The following XRCC5 variants were observed in gnomAD, a reference collection of about 807,000 sequenced individuals.
XRCC5 encodes X-ray repair cross complementing 5.
Under a neutral mutation model 95.7 loss-of-function variants are expected in XRCC5, and 12 were observed. The observed-to-expected ratio is 0.13, with a 90% CI of 0.08 to 0.20. The LOEUF is 0.20. Ranked by LOEUF, XRCC5 falls within the 10% of genes least tolerant of loss-of-function variation. XRCC5 has a pLI of 1.00. For missense variants in XRCC5, 595 were observed against 873.9 expected, an observed-to-expected ratio of 0.68 and a Z score of 4.02; for synonymous variants, 281 against 290.3, an observed-to-expected ratio of 0.97 and a Z score of 0.33.
intron 14 of XRCC5, among the ~76,000 whole-genome samples, chr2:216,157,043 G>A (rs1298606604): frequency 3.3e-5 from 5 of 152,144 alleles, no homozygotes; most frequent in African/African-American, 9.7e-5. Flanking sequence ...GCCGAGAGCA[G>A]TGTGCCCAGC....
At chr2:216,137,373 T>A (rs1697101405) in intron 11 of XRCC5, 148 bp downstream of exon 11, 1 of 870,070 alleles carries the variant, frequency 1.1e-6, no homozygotes, top group Admixed American at 3.8e-5. Context: ...GGGCCCAGAT[T>A]CTCTGTTTCT....
chr2:216,148,317 A>T, intron 14 of XRCC5, 41 bp downstream of exon 14: 1 of 1,562,966 alleles, frequency 6.4e-7, no homozygotes, highest in Admixed American at 1.9e-5. Flanking sequence ...TGGGGTACAT[A>T]AGAGTTGTGG....
intron 19 of XRCC5, among the ~76,000 whole-genome samples, chr2:216,202,624 G>T (rs16855635): frequency 0.03 from 4,624 of 152,274 alleles, 232 homozygotes; most frequent in African/African-American, 0.11. Flanking sequence ...TTGATTCTCA[G>T]TCTTGCACAT....
intron 19 of XRCC5, 96 bp from the exon 20 acceptor site, chr2:216,204,226 G>A: frequency 7.2e-7 from 1 of 1,397,262 alleles, no homozygotes; most frequent in Non-Finnish European, 1.0e-6. Context: ...TAAGCAGGCT[G>A]CCTTAGGTTT....
intron 8 of XRCC5, among the ~76,000 whole-genome samples, chr2:216,128,623 T>C (rs1696932244): frequency 1.3e-5 from 2 of 152,232 alleles, no homozygotes; most frequent in Admixed American, 6.5e-5. Context: ...CCTAGTATAA[T>C]GACTGGCTCA....
intron 16 of XRCC5, chr2:216,175,033 T>C: frequency 3.3e-6 from 1 of 302,502 alleles, no homozygotes; most frequent in Middle Eastern, 9.9e-4. Flanking sequence ...TCTGCTAAAA[T>C]TTCCAGAATC....
chr2:216,131,040 G>A (rs1574458308), intron 9 of XRCC5, 53 bp downstream of exon 9: 6 of 1,505,008 alleles, frequency 4.0e-6, no homozygotes, highest in East Asian at 2.3e-5. Context: ...ATTTGAAATG[G>A]TATGCTTTTG....
intron 16 of XRCC5, among the ~76,000 whole-genome samples, chr2:216,165,880 G>A (rs186792719): frequency 2.0e-5 from 3 of 152,114 alleles, no homozygotes; most frequent in African/African-American, 7.2e-5. Flanking sequence ...TGAGAGTCTT[G>A]TGATTCTGTC....
intron 13 of XRCC5, among the ~76,000 whole-genome samples, chr2:216,141,938 G>A (rs1263313247): frequency 1.3e-5 from 2 of 152,014 alleles, no homozygotes; most frequent in South Asian, 2.1e-4. Context: ...CCTGTAATCC[G>A]AGCTTCTCAG....
chr2:216,126,122 C>T (rs372496470), intron 7 of XRCC5, 91 bp downstream of exon 7: 10 of 1,013,214 alleles, frequency 9.9e-6, no homozygotes, highest in South Asian at 3.1e-5. Context: ...GTGTGTTACT[C>T]GGAACCATAA....
At chr2:216,135,534 G>A (rs188064741) in intron 10 of XRCC5, among the ~76,000 whole-genome samples, 3 of 152,166 alleles carry the variant, frequency 2.0e-5, no homozygotes, top group African/African-American at 4.8e-5. Flanking sequence ...CTTAAAAGGT[G>A]AGGGATGAGG....
At chr2:216,145,065 T>G (rs1373132707) in intron 13 of XRCC5, among the ~76,000 whole-genome samples, 2 of 151,920 alleles carry the variant, frequency 1.3e-5, no homozygotes, top group Non-Finnish European at 2.9e-5. Flanking sequence ...TAGCAAAGGG[T>G]CTTTAGGAAT....
chr2:216,181,073 A>G (rs1382956282), intron 16 of XRCC5, among the ~76,000 whole-genome samples: 6 of 151,986 alleles, frequency 3.9e-5, no homozygotes, highest in African/African-American at 1.5e-4. Context: ...TCGGCCTCCC[A>G]AAGTGCTGGG....
intron 10 of XRCC5, among the ~76,000 whole-genome samples, chr2:216,134,419 G>GTT (rs568788717): frequency 0.033 from 4,412 of 135,458 alleles, 82 homozygotes; most frequent in Non-Finnish European, 0.052. Context: ...CTTCCTTCTT[G>GTT]TTTTTTTTTT....
chr2:216,173,603 G>A (rs1318576215), intron 16 of XRCC5, among the ~76,000 whole-genome samples: 3 of 152,144 alleles, frequency 2.0e-5, no homozygotes, highest in African/African-American at 7.2e-5. Context: ...TTTAGCTAAT[G>A]CTACAGTTTG....
chr2:216,194,413 A>G (rs796658344), intron 18 of XRCC5, among the ~76,000 whole-genome samples: 5 of 152,356 alleles, frequency 3.3e-5, no homozygotes, highest in African/African-American at 1.2e-4. Context: ...GAGAGAGAAC[A>G]TGTGTACAAA....
chr2:216,175,429 G>A, intron 16 of XRCC5: 1 of 518,242 alleles, frequency 1.9e-6, no homozygotes, highest in Non-Finnish European at 3.9e-6. Context: ...TGCATCTCTT[G>A]TTTAGAAAGG....
At position 216,141,199 on chromosome 2, in the gene XRCC5, T is replaced by C. The variant is rs1195887501; in HGVS notation, c.1356T>C (p.Asn452=). 1.9e-6 allele frequency: 3 copies of C among 1,614,000 alleles called. No individual in the cohort carries two copies. The highest frequency in any genetic ancestry group is 3.3e-5 in the Admixed American group (2 of 59,996). Residue 452 remains asparagine (N), a synonymous_variant, in exon 13 of 21, where the codon AAT becomes AAC. Coordinates refer to ENST00000392132, the MANE Select transcript of XRCC5 (RefSeq NM_021141.4). ...KKYAPTEAQL[N]AVDALIDSMS... is the part of the protein sequence containing the mutation. ...TCTCTGTTTAAGAGGCACAGTTGAA[T>C]GCTGTTGATGCTTTGATTGACTCCA...
At chr2:216,161,921 G>A (rs1323292549) in intron 15 of XRCC5, 58 bp from the exon 16 acceptor site, 2 of 1,438,690 alleles carry the variant, frequency 1.4e-6, no homozygotes, top group Non-Finnish European at 2.0e-6. Context: ...TGTATTGCCT[G>A]GGGTGCTGCT....
Sources: allele counts gnomAD v4.1 joint callset (sites outside exome capture counted in the v4.1 genomes callset), GRCh38; gene constraint gnomAD v4.1.1; transcripts MANE v1.5; gene names NCBI Gene and HGNC (gene_info 2026-07-23, HGNC 2026-07-21).